The following TMEM178B variants were observed in gnomAD, a reference collection of about 807,000 sequenced individuals.
TMEM178B encodes transmembrane protein 178B.
TMEM178B carries 5 observed loss-of-function variants against 31.0 expected under a neutral mutation model. The ratio of observed to expected loss-of-function variants is 0.16; its 90% CI spans 0.08 to 0.34. The LOEUF (loss-of-function observed/expected upper bound fraction) is 0.34, where lower values mean the gene tolerates loss of function less well. TMEM178B is among the 10% of genes least tolerant of loss of function. The pLI is 1.00. For synonymous variants in TMEM178B, 164 were observed against 164.0 expected (o/e 1.00, Z 0.00); for missense variants, 275 against 400.3 (o/e 0.69, Z 2.67).
At chr7:141,452,108 A>T (rs1326224002) in intron 3 of TMEM178B, among the ~76,000 whole-genome samples, 2 of 152,138 alleles carry the variant, frequency 1.3e-5, no homozygotes, top group African/African-American at 4.8e-5. Flanking sequence ...CTTTTTACCT[A>T]AAAACATGTC....
chr7:141,302,284 C>G (rs190346888), intron 2 of TMEM178B, among the ~76,000 whole-genome samples: 2 of 152,218 alleles, frequency 1.3e-5, no homozygotes, highest in East Asian at 3.9e-4. Context: ...GATGCATGCT[C>G]CAACATGGAT....
intron 3 of TMEM178B, among the ~76,000 whole-genome samples, chr7:141,453,266 C>T (rs1048155255): frequency 5.9e-5 from 9 of 152,140 alleles, no homozygotes; most frequent in African/African-American, 2.2e-4. Flanking sequence ...TGGGTGACTC[C>T]GGTTGTTATT....
chr7:141,482,337 T>C (rs73169577), downstream of TMEM178B, among the ~76,000 whole-genome samples: 1,167 of 152,358 alleles, frequency 7.7e-3, 7 homozygotes, highest in Non-Finnish European at 0.012. Context: ...CGAAGAGCTC[T>C]TTCCCTAACC....
chr7:141,097,463 T>C (rs1794981914), intron 1 of TMEM178B, among the ~76,000 whole-genome samples: 1 of 151,948 alleles, frequency 6.6e-6, no homozygotes, highest in Admixed American at 6.6e-5. Context: ...TATAACAAGA[T>C]TTGAAGAAAT....
intron 2 of TMEM178B, chr7:141,430,285 C>G (rs983978592): frequency 6.6e-6 from 1 of 152,214 alleles, no homozygotes; most frequent in African/African-American, 2.4e-5. Flanking sequence ...TACTCAGCAC[C>G]TTATGTGCTC....
chr7:141,501,326 AAGG>A, the TMEM178B span, among the ~76,000 whole-genome samples: 3 of 151,942 alleles, frequency 2.0e-5, no homozygotes, highest in African/African-American at 7.3e-5. Flanking sequence ...AGAAAAAAAA[AAGG>A]AGAGTGAAAA....
At chr7:141,157,322 A>G (rs989687930) in intron 1 of TMEM178B, among the ~76,000 whole-genome samples, 10 of 152,140 alleles carry the variant, frequency 6.6e-5, no homozygotes, top group African/African-American at 2.4e-4. Context: ...TCCTCCTCTC[A>G]TGCTGGAGTC....
At chr7:141,486,817 G>A in the TMEM178B span, among the ~76,000 whole-genome samples, 1 of 152,176 alleles carries the variant, frequency 6.6e-6, no homozygotes, top group African/African-American at 2.4e-5. Context: ...GGGGTAGGGA[G>A]AGACCGGTAA....
At chr7:141,328,306 G>T (rs1001684991) in intron 2 of TMEM178B, among the ~76,000 whole-genome samples, 1 of 152,132 alleles carries the variant, frequency 6.6e-6, no homozygotes, top group East Asian at 1.9e-4. Context: ...TTTTTAATGG[G>T]GGAATAAGAG....
intron 2 of TMEM178B, among the ~76,000 whole-genome samples, chr7:141,430,727 G>A (rs1801409558): frequency 6.6e-6 from 1 of 152,140 alleles, no homozygotes; most frequent in Non-Finnish European, 1.5e-5. Flanking sequence ...GGTTGATCCC[G>A]TGGCTAGCAG....
chr7:141,470,146 G>C (rs1156644605), intron 3 of TMEM178B, among the ~76,000 whole-genome samples: 1 of 152,240 alleles, frequency 6.6e-6, no homozygotes, highest in African/African-American at 2.4e-5. Context: ...GTAGCAAACA[G>C]TAGGTGTTTT....
At chr7:141,393,369 A>T (rs997348763) in intron 2 of TMEM178B, among the ~76,000 whole-genome samples, 2 of 152,240 alleles carry the variant, frequency 1.3e-5, no homozygotes, top group Admixed American at 1.3e-4. Flanking sequence ...GAAAACTAAT[A>T]GAAGCAAAAT....
intron 2 of TMEM178B, among the ~76,000 whole-genome samples, chr7:141,308,346 G>GT (rs1454675696): frequency 6.6e-6 from 1 of 152,194 alleles, no homozygotes; most frequent in Non-Finnish European, 1.5e-5. Context: ...TTGGAAATGT[G>GT]TTGTACATTT....
chr7:141,336,984 CCATCACTACCATCAT>C (rs2116501478), intron 2 of TMEM178B, among the ~76,000 whole-genome samples: 1 of 94,986 alleles, frequency 1.1e-5, no homozygotes, highest in South Asian at 4.1e-4. Flanking sequence ...ACCACCACCC[CCATCACTACCATCAT>C]CATCACCACC....
intron 2 of TMEM178B, among the ~76,000 whole-genome samples, chr7:141,419,998 T>C (rs938071315): frequency 5.9e-5 from 9 of 152,316 alleles, no homozygotes; most frequent in African/African-American, 1.9e-4. Flanking sequence ...CATCTGCTGT[T>C]CCCTCTACCT....
chr7:141,194,157 C>T (rs966312311), intron 1 of TMEM178B, among the ~76,000 whole-genome samples: 2 of 152,090 alleles, frequency 1.3e-5, no homozygotes, highest in Non-Finnish European at 2.9e-5. Flanking sequence ...TATCATTCCA[C>T]CCCTGGCCTC....
chr7:141,417,748 T>C (rs945975460), intron 2 of TMEM178B, among the ~76,000 whole-genome samples: 18 of 152,246 alleles, frequency 1.2e-4, no homozygotes, highest in Non-Finnish European at 5.9e-5. Flanking sequence ...GTACATTGCG[T>C]GTCTGTTTCT....
intron 2 of TMEM178B, among the ~76,000 whole-genome samples, chr7:141,436,007 C>T (rs1454648839): frequency 6.6e-6 from 1 of 152,148 alleles, no homozygotes; most frequent in Non-Finnish European, 1.5e-5. Flanking sequence ...CCGTCTCTCC[C>T]CACTCCCCGG....
chr7:141,276,601 G>T lies in TMEM178B; in HGVS notation c.496+63897G>T, dbSNP rs535676118. ...TGAGAGCAGCAGCATGGGGGTAGCT[G>T]CCCCCATGCTTCAATTACCTCCCAC... On this transcript the variant is annotated intron_variant, in intron 2 of 3. Coordinates refer to ENST00000565468, the MANE Select transcript of TMEM178B (RefSeq NM_001195278.2). Among the ~76,000 whole-genome samples, 6 of 110,458 alleles carry T rather than the reference G, an allele frequency of 5.4e-5. No homozygotes were observed. In the South Asian group the frequency reaches 1.7e-3, roughly 32 times the overall value. The allele number at this position is 110,458 out of a possible 152,430, so 72.5% of individuals were successfully genotyped here. A position where few individuals can be genotyped will look rare whatever the true frequency, so the allele number is the denominator to read the frequency against.
Sources: gnomAD v4.1 joint callset for allele counts (sites outside exome capture counted in the v4.1 genomes callset) on GRCh38, gnomAD v4.1.1 for gene constraint, MANE v1.5 for transcripts, NCBI Gene and HGNC (gene_info 2026-07-23, HGNC 2026-07-21) for gene names.